CDH3: variants seen among roughly 807,000 people sequenced by gnomAD.
CDH3 encodes the protein cadherin-3.
A neutral mutation model predicts 82.0 loss-of-function variants in CDH3; 54 were observed. That is an observed-to-expected ratio of 0.66 (90% CI 0.53 to 0.83). CDH3 has a LOEUF of 0.83. Ranked by LOEUF, CDH3 falls within the 40% of genes least tolerant of loss-of-function variation. CDH3 has a pLI of 0.00. For synonymous variants in CDH3, 446 were observed against 437.9 expected, an observed-to-expected ratio of 1.02 and a Z score of -0.23; for missense variants, 1,054 against 1,084.6, an observed-to-expected ratio of 0.97 and a Z score of 0.40.
chr16:68,732,006 G>A (rs963732208), downstream of CDH3, among the ~76,000 whole-genome samples: 2 of 151,886 alleles, frequency 1.3e-5, no homozygotes, highest in African/African-American at 4.8e-5. Context: ...ACTATATGTA[G>A]TGTGTGTTAC....
intron 2 of CDH3, among the ~76,000 whole-genome samples, chr16:68,674,216 T>C (rs930261954): frequency 8.5e-5 from 13 of 152,212 alleles, no homozygotes; most frequent in African/African-American, 2.9e-4. Context: ...TTTTTTCTTT[T>C]ATAGCCATCC....
downstream of CDH3, among the ~76,000 whole-genome samples, chr16:68,731,077 T>TATAA (rs1323551115): frequency 1.8e-5 from 2 of 113,114 alleles, no homozygotes; most frequent in African/African-American, 6.8e-5. Context: ...TATATATATA[T>TATAA]AATTATAAAA....
At chr16:68,704,014 C>T (rs993941542), downstream of CDH3, among the ~76,000 whole-genome samples, 2 of 149,730 alleles carry the variant, frequency 1.3e-5, no homozygotes, top group African/African-American at 4.9e-5. Context: ...TGGCCGGGCG[C>T]GGTGGCTCAC....
downstream of CDH3, among the ~76,000 whole-genome samples, chr16:68,704,695 T>C (rs1488690078): frequency 6.6e-6 from 1 of 152,250 alleles, no homozygotes; most frequent in Non-Finnish European, 1.5e-5. Flanking sequence ...ACAGTCAATA[T>C]GGAGTCAGTT....
At position 68,707,470 on chromosome 16, in the gene CDH3, G is replaced by C. The variant is rs1961978481; in HGVS notation, c.99+11547G>C. ...CTGAGGATGCGGCAGGGCCTGTCGG[G>C]GCCTGTGGGCAGCTGCAGAGCTGGC... On this transcript the variant is annotated intron_variant, in intron 1 of 2. Coordinates refer to the CDH3 transcript ENST00000569080. The surrounding 1 kb of genome is among the most constrained non-coding windows in gnomAD (Gnocchi z 4.5). 6.6e-6 allele frequency among the ~76,000 whole-genome samples: 1 copy of C among 152,176 alleles called. No individual in the cohort carries two copies. The highest frequency in any genetic ancestry group is 2.1e-4 in the South Asian group (1 of 4,834).
intron 2 of CDH3, among the ~76,000 whole-genome samples, chr16:68,726,549 T>TCAAATTC (rs1962220977): frequency 6.6e-6 from 1 of 151,664 alleles, no homozygotes; most frequent in African/African-American, 2.4e-5. Flanking sequence ...GGCCCAGGGT[T>TCAAATTC]CAAATTCCAG....
At position 68,698,265 on chromosome 16, in the gene CDH3, C is replaced by A; in HGVS notation, c.2355C>A (p.Ser785Arg). The change falls in exon 16 of 16, where the codon AGC becomes AGA. Residue 785 changes from serine (S) to arginine (R), a missense_variant. By Grantham distance (110) the Ser-to-Arg change is moderately radical (BLOSUM62 -1). Coordinates refer to ENST00000264012, the MANE Select transcript of CDH3 (RefSeq NM_001793.6). ...DTLLVFDYEG[S>R]GSDAASLSSL... ...TCTTGGTGTTCGACTATGAGGGCAG[C>A]GGCTCCGACGCCGCGTCCCTGAGCT... The A allele has an allele frequency of 6.2e-7, 1 of 1,614,230 alleles. No individual in the cohort carries two copies. The highest frequency in any genetic ancestry group is 1.1e-5 in the South Asian group (1 of 91,086).
chr16:68,665,368 C>T (rs150479460), intron 2 of CDH3, among the ~76,000 whole-genome samples: 142 of 152,226 alleles, frequency 9.3e-4, no homozygotes, highest in African/African-American at 3.3e-3. Context: ...TGCCACTGCA[C>T]TGCAGCCTGG....
In CDH3 at chr16:68,696,025, A is replaced by T. The variant is rs765892185; in HGVS notation, c.2280+102A>T. ...CCTGGAGTCTTGGGTCTGGGTTCAA[A>T]TTCTGACTCCACCACCAACCAGCTT... On this transcript the variant is annotated intron_variant, in intron 15 of 15. Coordinates refer to ENST00000264012, the MANE Select transcript of CDH3 (RefSeq NM_001793.6). 1.0e-5 allele frequency: 13 copies of T among 1,270,312 alleles called. No homozygotes were observed. In the Admixed American group the frequency reaches 1.3e-4, roughly 13 times the overall value. 78.7% of individuals were successfully genotyped at this position (1,270,312 alleles called of 1,614,324 possible). A position where few individuals can be genotyped will look rare whatever the true frequency, so the allele number is the denominator to read the frequency against.
intron 2 of CDH3, among the ~76,000 whole-genome samples, chr16:68,673,133 G>A (rs1028599620): frequency 1.3e-5 from 2 of 152,078 alleles, no homozygotes; most frequent in African/African-American, 4.8e-5. Flanking sequence ...ATAGGTTTTG[G>A]CAAATGTATT....
chr16:68,684,097 G>A (rs960617701), intron 9 of CDH3, among the ~76,000 whole-genome samples: 11 of 151,590 alleles, frequency 7.3e-5, no homozygotes, highest in African/African-American at 2.7e-4. Context: ...TGGGTGCGGT[G>A]GCACACACCT....
At chr16:68,731,014 C>A (rs1962276157), downstream of CDH3, among the ~76,000 whole-genome samples, 1 of 37,032 alleles carries the variant, frequency 2.7e-5, no homozygotes, top group African/African-American at 1.3e-4. Context: ...GAGGGAAACT[C>A]CGTCTCAAAA....
At position 68,685,387 on chromosome 16, in the gene CDH3, T is replaced by C. The variant is rs1248190431; in HGVS notation, c.1570+37T>C. 3.1e-6 allele frequency: 5 copies of C among 1,609,916 alleles called. No homozygotes were observed. In the African/African-American group the frequency reaches 5.3e-5, roughly 17 times the overall value. ...CTCCCAGCCCTCCCACAAGGGCCAC[T>C]TTTGGTTCTCAGGTCACATGACACA... On this transcript the variant is annotated intron_variant, in intron 11 of 15. Transcript: ENST00000264012.
chr16:68,654,842 C>A (rs1363747101), intron 2 of CDH3, among the ~76,000 whole-genome samples: 1 of 151,088 alleles, frequency 6.6e-6, no homozygotes, highest in Non-Finnish European at 1.5e-5. Context: ...TCAAGACCAG[C>A]CTGGCCAACA....
intron 12 of CDH3, among the ~76,000 whole-genome samples, chr16:68,689,378 A>G (rs1961501060): frequency 6.6e-6 from 1 of 152,052 alleles, no homozygotes; most frequent in Non-Finnish European, 1.5e-5. Flanking sequence ...CTAAAAATAT[A>G]AAAAATAATT....
chr16:68,665,405 A>C (rs1210429324), intron 2 of CDH3, among the ~76,000 whole-genome samples: 1 of 152,166 alleles, frequency 6.6e-6, no homozygotes, highest in Non-Finnish European at 1.5e-5. Context: ...CTGTCTCAAA[A>C]AATAATAAAT....
intron 2 of CDH3, among the ~76,000 whole-genome samples, chr16:68,646,581 T>A (rs1486259350): frequency 6.6e-6 from 1 of 152,014 alleles, no homozygotes. Flanking sequence ...CAGTGTGTTA[T>A]GAGACCCAGG....
chr16:68,654,658 G>C (rs578046962), intron 2 of CDH3, among the ~76,000 whole-genome samples: 1 of 144,822 alleles, frequency 6.9e-6, no homozygotes, highest in Non-Finnish European at 1.5e-5. Flanking sequence ...AGCGGAGATC[G>C]TGTCACTGCA....
At chr16:68,724,913 C>G (rs892560237) in intron 2 of CDH3, among the ~76,000 whole-genome samples, 1 of 152,048 alleles carries the variant, frequency 6.6e-6, no homozygotes, top group Admixed American at 6.6e-5. Flanking sequence ...CATTGGCTGC[C>G]GAGCCAGCAG....
Sources: gnomAD v4.1 joint callset for allele counts (sites outside exome capture counted in the v4.1 genomes callset) on GRCh38, gnomAD v4.1.1 for gene constraint, Gnocchi (gnomAD v3.1) non-coding constraint, MANE v1.5 for transcripts, NCBI Gene and HGNC (gene_info 2026-07-23, HGNC 2026-07-21) for gene names.